The following WDR11 variants were observed in gnomAD, a reference collection of about 807,000 sequenced individuals.
WDR11 encodes the protein WD repeat domain 11.
A neutral mutation model predicts 151.2 loss-of-function variants in WDR11; 83 were observed. That is an observed-to-expected ratio of 0.55 (90% confidence interval 0.46 to 0.66). The LOEUF is 0.66. Ranked by LOEUF, WDR11 falls within the 30% of genes least tolerant of loss-of-function variation. The probability of loss-of-function intolerance (pLI) is 0.00; values close to 1 mark genes in which losing one functional copy is unlikely to be tolerated. For synonymous variants in WDR11, 484 were observed against 533.1 expected (o/e 0.91, Z 1.27); for missense variants, 1,301 against 1,480.9 (o/e 0.88, Z 1.99).
In WDR11 at chr10:120,873,747, G is replaced by A. The variant is rs1249554155; in HGVS notation, c.1472-92G>A. Reference sequence around the variant, plus strand: ...GGTTTCTTTTATAAAAGATAAATGTGTTAAGTGATTAAAGTCTTGAGAAAA... The same window carrying A: ...GGTTTCTTTTATAAAAGATAAATGTATTAAGTGATTAAAGTCTTGAGAAAA... On this transcript the variant is annotated intron_variant, in intron 10 of 28. Coordinates refer to ENST00000263461, the MANE Select transcript of WDR11 (RefSeq NM_018117.12). The A allele has an allele frequency of 1.2e-5, 10 of 839,476 alleles. No individual in the cohort carries two copies. The East Asian group carries it at 2.4e-4, about 20-fold the overall frequency. 52.0% of individuals were successfully genotyped at this position (839,476 alleles called of 1,614,324 possible). A position where few individuals can be genotyped will look rare whatever the true frequency, so the allele number is the denominator to read the frequency against.
rs191596697 is a variant in WDR11 at position 120,865,189 on chromosome 10, C to T, written c.856C>T (p.Arg286Cys). The change falls in exon 6 of 29, where the codon CGC becomes TGC. Residue 286 changes from arginine to cysteine, a missense_variant. This residue lies in a region of WDR11 where 692 missense variants were observed against 762.5 expected (regional missense o/e 0.91). Coordinates refer to ENST00000263461, the MANE Select transcript of WDR11 (RefSeq NM_018117.12). ...GACGGTGGGTGTGATTGCAATAGAA[C>T]GCACAGGAGTTCCATTTTTACAGGT... ...NQTVGVIAIE[R>C]TGVPFLQVIP... 33 of 1,613,824 alleles carry T rather than the reference C, an allele frequency of 2.0e-5. No homozygotes were observed. Among genetic ancestry groups the T allele is most frequent in the South Asian group, 9.9e-5 (9 of 91,072 alleles).
At chr10:120,904,437 C>G (rs751477068) in intron 24 of WDR11, among the ~76,000 whole-genome samples, 1 of 152,216 alleles carries the variant, frequency 6.6e-6, no homozygotes, top group East Asian at 1.9e-4. Context: ...GGCAATTACT[C>G]GAGCACCTAG....
At position 120,903,247 on chromosome 10, in the gene WDR11, A is replaced by C; in HGVS notation, c.2931+15A>C. ...CCTACTTTCAGGTAGTCTGCTTCACACAGCAAAACCTTTAGAGCTGTCATC... is the reference window on the plus strand; with the variant it reads ...CCTACTTTCAGGTAGTCTGCTTCACCCAGCAAAACCTTTAGAGCTGTCATC... On this transcript the variant is annotated intron_variant, in intron 23 of 28. Coordinates refer to ENST00000263461, the MANE Select transcript of WDR11 (RefSeq NM_018117.12). The C allele has an allele frequency of 6.2e-7, 1 of 1,614,114 alleles. No homozygotes were observed.
chr10:120,859,392 C>T (rs1018984503), intron 3 of WDR11, among the ~76,000 whole-genome samples: 7 of 151,502 alleles, frequency 4.6e-5, no homozygotes, highest in East Asian at 3.9e-4. Flanking sequence ...CTCAGCCTCC[C>T]GAGTAGCTGG....
chr10:120,908,281 A>AGAATCTGGGC, intron 28 of WDR11: 1 of 460,056 alleles, frequency 2.2e-6, no homozygotes, highest in Admixed American at 3.4e-5. Context: ...AGGTTATGGG[A>AGAATCTGGGC]GGATGTTGGT....
chr10:120,885,247 G>A (rs1847175055), intron 14 of WDR11: 1 of 151,438 alleles, frequency 6.6e-6, no homozygotes, highest in Non-Finnish European at 1.4e-5. Context: ...TAAATACAGT[G>A]GAAAGAGTAA....
At position 120,883,872 on chromosome 10, in the gene WDR11, C is replaced by T. The variant is rs1847116431; in HGVS notation, c.1832C>T (p.Pro611Leu). 12 of 1,612,286 alleles carry T rather than the reference C, an allele frequency of 7.4e-6. No individual in the cohort carries two copies. The highest frequency in any genetic ancestry group is 1.0e-5 in the Non-Finnish European group (12 of 1,178,688). ...TLLREMSKNF[P>L]TITALEWSPS... is the part of the protein sequence containing the mutation. Reference sequence around the variant, plus strand: ...CTTAGAGAGATGTCCAAAAACTTCCCTACAATAACTGCTTTGGTAAGTTAC... The same window carrying T: ...CTTAGAGAGATGTCCAAAAACTTCCTTACAATAACTGCTTTGGTAAGTTAC... The change falls in exon 14 of 29, where the codon CCT (proline) becomes CTT (leucine). Residue 611 changes from proline to leucine, a missense_variant. Pro to Leu is a moderately conservative substitution (Grantham distance 98). Coordinates refer to ENST00000263461, the MANE Select transcript of WDR11 (RefSeq NM_018117.12).
chr10:120,863,962 A>G (rs940410369), intron 5 of WDR11, among the ~76,000 whole-genome samples: 1 of 152,186 alleles, frequency 6.6e-6, no homozygotes, highest in Non-Finnish European at 1.5e-5. Flanking sequence ...TCTCATAAAC[A>G]AGAAATTATT....
At chr10:120,892,314 C>T (rs1393031549) in intron 19 of WDR11, among the ~76,000 whole-genome samples, 1 of 151,820 alleles carries the variant, frequency 6.6e-6, no homozygotes, top group Non-Finnish European at 1.5e-5. Context: ...TTTTTATATT[C>T]TTTTCAATCT....
At chr10:120,901,469 C>T (rs903841650) in intron 21 of WDR11, among the ~76,000 whole-genome samples, 14 of 152,152 alleles carry the variant, frequency 9.2e-5, no homozygotes, top group African/African-American at 3.4e-4. Context: ...GTCTGCTTCC[C>T]GCTTCTAAAA....
chr10:120,906,649 G>A, intron 27 of WDR11, 127 bp from the exon 28 acceptor site: 1 of 1,567,384 alleles, frequency 6.4e-7, no homozygotes, highest in Non-Finnish European at 8.6e-7. Flanking sequence ...TTAGAAAAGT[G>A]CTTGTATCTT....
chr10:120,854,127 A>G (rs1845870259), intron 2 of WDR11, among the ~76,000 whole-genome samples: 1 of 152,166 alleles, frequency 6.6e-6, no homozygotes, highest in Non-Finnish European at 1.5e-5. Flanking sequence ...CACAATTACA[A>G]TGAACTTTTT....
chr10:120,866,348 T>C (rs1846310886), intron 7 of WDR11, among the ~76,000 whole-genome samples: 3 of 146,974 alleles, frequency 2.0e-5, no homozygotes, highest in South Asian at 4.3e-4. Flanking sequence ...AAAAGATATC[T>C]TGATTATAGT....
Position 120,890,017 on chromosome 10 carries a change from C to G in WDR11, c.2343+8C>G, listed in dbSNP as rs1464722303. 1 of 1,554,858 alleles carries G rather than the reference C, an allele frequency of 6.4e-7. No individual in the cohort carries two copies. Among genetic ancestry groups the G allele is most frequent in the Admixed American group, 1.7e-5 (1 of 59,866 alleles). On this transcript the variant is annotated splice_region_variant and intron_variant, in intron 18 of 28. Transcript: ENST00000263461. ...GTGTGGGATACTAAAGAGGTAGGCC[C>G]TCTCCATGAGGATAAAACGTAAATA... is the stretch of plus-strand genomic sequence containing the variant.
chr10:120,865,477 T>C (rs1846279526), intron 6 of WDR11, among the ~76,000 whole-genome samples, 153 bp from the exon 7 acceptor site: 1 of 152,180 alleles, frequency 6.6e-6, no homozygotes, highest in Non-Finnish European at 1.5e-5. Flanking sequence ...GGATTATAAA[T>C]GGATATTTTA....
At chr10:120,864,976 C>T in intron 5 of WDR11, 71 bp from the exon 6 acceptor site, 1 of 1,545,290 alleles carries the variant, frequency 6.5e-7, no homozygotes, top group Non-Finnish European at 8.9e-7. Context: ...GTGTAAAGTA[C>T]AAAATTAAAT....
chr10:120,892,942 C>T (rs907189305), intron 19 of WDR11, among the ~76,000 whole-genome samples: 2 of 151,474 alleles, frequency 1.3e-5, no homozygotes, highest in East Asian at 1.9e-4. Context: ...GCAGTTTCCA[C>T]ACCCTTTAAA....
At chr10:120,856,029 C>T (rs1480449282) in intron 2 of WDR11, 2 of 152,280 alleles carry the variant, frequency 1.3e-5, no homozygotes, top group East Asian at 3.9e-4. Flanking sequence ...TCTCTGTTTC[C>T]TTTCCCCTAC....
chr10:120,897,900 G>T (rs1564720105), intron 19 of WDR11, among the ~76,000 whole-genome samples: 2 of 152,028 alleles, frequency 1.3e-5, no homozygotes, highest in Non-Finnish European at 1.5e-5. Context: ...TAAAAAAAAA[G>T]TATTATTAAA....
Sources: allele counts gnomAD v4.1 joint callset (sites outside exome capture counted in the v4.1 genomes callset), GRCh38; gene constraint gnomAD v4.1.1; regional missense constraint gnomAD v4.1.1; transcripts MANE v1.5; gene names NCBI Gene and HGNC (gene_info 2026-07-23, HGNC 2026-07-21).